METTL15: variants seen among roughly 807,000 people sequenced by gnomAD.
METTL15 encodes the protein methyltransferase 15, mitochondrial 12S rRNA N4-cytidine.
In METTL15, 34 loss-of-function variants were observed where a neutral mutation model predicts 38.3. The observed-to-expected ratio is 0.89, with a 90% CI of 0.68 to 1.18. The LOEUF is 1.18. Among genes scored for constraint, METTL15 ranks in the 50% most tolerant of loss-of-function variants. METTL15 has a pLI of 0.00. For synonymous variants in METTL15, 162 were observed against 170.9 expected, an observed-to-expected ratio of 0.95 and a Z score of 0.41; for missense variants, 438 against 498.4, an observed-to-expected ratio of 0.88 and a Z score of 1.15.
At chr11:28,456,799 G>A (rs1053395816) in intron 6 of METTL15, among the ~76,000 whole-genome samples, 1 of 152,094 alleles carries the variant, frequency 6.6e-6, no homozygotes, top group Admixed American at 6.6e-5. Context: ...GTGTAATCTG[G>A]TAGGCAGTCC....
chr11:28,400,933 C>T (rs944024363), intron 5 of METTL15, among the ~76,000 whole-genome samples: 1 of 151,926 alleles, frequency 6.6e-6, no homozygotes, highest in Non-Finnish European at 1.5e-5. Flanking sequence ...CACAAGATTT[C>T]CATTGGACAA....
chr11:28,256,827 G>A (rs1466568096), intron 4 of METTL15, among the ~76,000 whole-genome samples: 5 of 152,094 alleles, frequency 3.3e-5, no homozygotes, highest in South Asian at 2.1e-4. Flanking sequence ...CTTCTTTGAT[G>A]TAGGCATTTA....
intron 5 of METTL15, among the ~76,000 whole-genome samples, chr11:28,374,788 T>A (rs1359886858): frequency 2.0e-5 from 3 of 150,978 alleles, no homozygotes; most frequent in Non-Finnish European, 3.0e-5. Flanking sequence ...TTCAGTATGG[T>A]ATTGGCTGTG....
chr11:28,393,179 A>T (rs1183900195), intron 5 of METTL15, among the ~76,000 whole-genome samples: 2 of 152,240 alleles, frequency 1.3e-5, no homozygotes, highest in East Asian at 3.9e-4. Flanking sequence ...TTGAATATAC[A>T]TTTAAGGGAA....
intron 6 of METTL15, among the ~76,000 whole-genome samples, chr11:28,321,447 T>C (rs962795719): frequency 3.3e-5 from 5 of 152,166 alleles, no homozygotes; most frequent in African/African-American, 1.2e-4. Flanking sequence ...ATAGGAGTGA[T>C]TAAAATGTAT....
At chr11:28,479,157 G>A (rs1024455430) in intron 6 of METTL15, among the ~76,000 whole-genome samples, 4 of 151,796 alleles carry the variant, frequency 2.6e-5, no homozygotes, top group African/African-American at 9.7e-5. Flanking sequence ...TAAAGGAAAG[G>A]GTTGTTGCTA....
intron 3 of METTL15, chr11:28,197,321 C>G (rs1851945702): frequency 4.9e-6 from 1 of 203,824 alleles, no homozygotes; most frequent in Non-Finnish European, 1.0e-5. Flanking sequence ...TTTTGTATTG[C>G]TAAATTACTT....
intron 3 of METTL15, among the ~76,000 whole-genome samples, chr11:28,193,053 G>T (rs1476952412): frequency 6.6e-6 from 1 of 152,020 alleles, no homozygotes; most frequent in Non-Finnish European, 1.5e-5. Flanking sequence ...AGTATAAGAA[G>T]ACTAAACTTT....
chr11:28,444,614 C>T (rs1851060647), intron 6 of METTL15, among the ~76,000 whole-genome samples: 1 of 152,134 alleles, frequency 6.6e-6, no homozygotes, highest in African/African-American at 2.4e-5. Context: ...GAGCAAATCA[C>T]TTACCATTTT....
chr11:28,486,954 A>T (rs1463872454), intron 6 of METTL15, among the ~76,000 whole-genome samples: 1 of 152,036 alleles, frequency 6.6e-6, no homozygotes, highest in African/African-American at 2.4e-5. Flanking sequence ...CTAAGAATAG[A>T]TCTCCTGCAA....
chr11:28,318,534 T>C (rs1849349570), intron 6 of METTL15, among the ~76,000 whole-genome samples: 3 of 152,206 alleles, frequency 2.0e-5, no homozygotes, highest in Admixed American at 1.3e-4. Flanking sequence ...GCTAAAATAC[T>C]GTGTAAGAAA....
Position 28,399,388 on chromosome 11 carries a change from C to G in METTL15, c.*359-24911C>G, listed in dbSNP as rs988324041. ...GCATCAAGACTAAGGGAATTTCATT[C>G]TCTTTTACCTGCGGCTACTATTAGG... is the stretch of plus-strand genomic sequence containing the variant. On this transcript the variant is annotated intron_variant and NMD_transcript_variant, in intron 5 of 7. Transcript: ENST00000532947. Among the ~76,000 whole-genome samples, 7 of 151,940 alleles carry G rather than the reference C, an allele frequency of 4.6e-5. No homozygotes were observed. The East Asian group carries it at 1.4e-3, about 29-fold the overall frequency.
chr11:28,454,870 T>TA (rs1851154498), intron 6 of METTL15, among the ~76,000 whole-genome samples: 1 of 152,176 alleles, frequency 6.6e-6, no homozygotes. Flanking sequence ...AATATGACTC[T>TA]AAAGGTTTGG....
At chr11:28,360,905 G>A (rs1271152412) in intron 4 of METTL15, among the ~76,000 whole-genome samples, 5 of 147,126 alleles carry the variant, frequency 3.4e-5, no homozygotes, top group East Asian at 2.0e-4. Context: ...GAGAACATGC[G>A]GTGTTTGGTT....
intron 4 of METTL15, among the ~76,000 whole-genome samples, chr11:28,353,645 G>T (rs529931128): frequency 6.6e-6 from 1 of 152,316 alleles, no homozygotes; most frequent in Non-Finnish European, 1.5e-5. Context: ...TAAGATGTCG[G>T]CCGGGCGCGG....
intron 6 of METTL15, among the ~76,000 whole-genome samples, chr11:28,498,249 C>T (rs1021137862): frequency 2.0e-5 from 3 of 152,090 alleles, no homozygotes; most frequent in African/African-American, 7.2e-5. Context: ...AGCTCTGCCT[C>T]CTGGGTTCAC....
intron 5 of METTL15, among the ~76,000 whole-genome samples, chr11:28,412,868 CT>C (rs2133414169): frequency 6.6e-6 from 1 of 151,938 alleles, no homozygotes; most frequent in Admixed American, 6.6e-5. Context: ...TATTAGAGAT[CT>C]TGTTAAATGA....
At chr11:28,261,452 A>G (rs544931606) in intron 4 of METTL15, 1 of 156,906 alleles carries the variant, frequency 6.4e-6, no homozygotes, top group African/African-American at 2.4e-5. Context: ...CTTGTCAGCC[A>G]GATCAGCTGA....
rs1849867894 is a variant in METTL15 at position 28,333,372 on chromosome 11, A to C, written c.*2531A>C. On this transcript the variant is annotated 3_prime_UTR_variant, in exon 7 of 7. Transcript: ENST00000407364. ...CTTCTTAGTCTTTGTTGTAGGATGC[A>C]TAATAAAATACATGAATGAGTTTTA... The C allele has an allele frequency of 1.3e-5, 2 of 152,226 alleles. No homozygotes were observed. Among genetic ancestry groups the C allele is most frequent in the Non-Finnish European group, 2.9e-5 (2 of 68,028 alleles). The allele number at this position is 152,226 out of a possible 1,614,324, so 9.4% of individuals were successfully genotyped here. A position where few individuals can be genotyped will look rare whatever the true frequency, so the allele number is the denominator to read the frequency against.
Sources: gnomAD v4.1 joint callset for allele counts (sites outside exome capture counted in the v4.1 genomes callset) on GRCh38, gnomAD v4.1.1 for gene constraint, MANE v1.5 for transcripts, NCBI Gene and HGNC (gene_info 2026-07-23, HGNC 2026-07-21) for gene names.